Variants in PTPRD observed in about 807,000 individuals in gnomAD.
PTPRD encodes the protein protein tyrosine phosphatase receptor type D.
In PTPRD, 34 loss-of-function variants were observed where a neutral mutation model predicts 214.5. The ratio of observed to expected loss-of-function variants is 0.16; its 90% confidence interval spans 0.12 to 0.21. The LOEUF (loss-of-function observed/expected upper bound fraction) is 0.21. PTPRD is among the 10% of genes least tolerant of loss of function. PTPRD has a pLI of 1.00. For missense variants in PTPRD, 2,545 were observed against 2,398.7 expected (o/e 1.06, Z -1.27); for synonymous variants, 1,128 against 845.7 (o/e 1.33, Z -5.79).
chr9:10,589,932 T>G (rs1220998540), intron 2 of PTPRD, among the ~76,000 whole-genome samples: 1 of 152,096 alleles, frequency 6.6e-6, no homozygotes, highest in Non-Finnish European at 1.5e-5. Flanking sequence ...CAAATTTAAT[T>G]TGTTATTACT....
At chr9:10,306,533 T>C (rs2096074664) in intron 3 of PTPRD, among the ~76,000 whole-genome samples, 1 of 152,150 alleles carries the variant, frequency 6.6e-6, no homozygotes, top group East Asian at 1.9e-4. Flanking sequence ...AAATATGCGA[T>C]ACAATATATA....
chr9:8,605,541 T>C (rs1229191440), intron 14 of PTPRD, among the ~76,000 whole-genome samples: 1 of 152,216 alleles, frequency 6.6e-6, no homozygotes, highest in Non-Finnish European at 1.5e-5. Flanking sequence ...AACATGGGTT[T>C]ACTCTAGATG....
intron 5 of PTPRD, among the ~76,000 whole-genome samples, chr9:9,784,839 C>A (rs2098906800): frequency 6.9e-6 from 1 of 145,502 alleles, no homozygotes; most frequent in Non-Finnish European, 1.5e-5. Flanking sequence ...TGTATGATGT[C>A]TTAATAATGT....
chr9:9,966,479 G>A (rs541708831), intron 4 of PTPRD, among the ~76,000 whole-genome samples: 1 of 152,186 alleles, frequency 6.6e-6, no homozygotes, highest in South Asian at 2.1e-4. Flanking sequence ...TAGAGCTAAG[G>A]GGTTTCAATG....
chr9:8,832,271 A>G (rs1236931924), intron 11 of PTPRD, among the ~76,000 whole-genome samples: 1 of 152,136 alleles, frequency 6.6e-6, no homozygotes, highest in Non-Finnish European at 1.5e-5. Context: ...CCTTTAATTT[A>G]TCCTAACAGA....
chr9:9,781,204 C>G (rs533368264), intron 5 of PTPRD, among the ~76,000 whole-genome samples: 2 of 152,212 alleles, frequency 1.3e-5, no homozygotes, highest in East Asian at 1.9e-4. Flanking sequence ...AATGCAGCAA[C>G]AGTGGTTCAT....
At chr9:9,252,533 A>C (rs1471572590) in intron 9 of PTPRD, among the ~76,000 whole-genome samples, 1 of 151,928 alleles carries the variant, frequency 6.6e-6, no homozygotes. Flanking sequence ...CCCAGGCTGG[A>C]CCTCAGTGAC....
chr9:9,580,566 T>TG (rs2090465291), intron 7 of PTPRD, among the ~76,000 whole-genome samples: 1 of 122,320 alleles, frequency 8.2e-6, no homozygotes, highest in African/African-American at 3.0e-5. Flanking sequence ...TTTTTTTTTT[T>TG]GAGACAGAGT....
At chr9:8,779,180 G>A (rs1415755525) in intron 11 of PTPRD, among the ~76,000 whole-genome samples, 1 of 152,252 alleles carries the variant, frequency 6.6e-6, no homozygotes, top group African/African-American at 2.4e-5. Flanking sequence ...AATAACAGCA[G>A]GAAGACAGAG....
chr9:9,254,235 T>C (rs1369031848), intron 9 of PTPRD, among the ~76,000 whole-genome samples: 1 of 152,096 alleles, frequency 6.6e-6, no homozygotes, highest in East Asian at 1.9e-4. Context: ...TACCCATTCC[T>C]TTCATTAGGA....
chr9:9,224,777 CAT>C (rs1437775363), intron 9 of PTPRD, among the ~76,000 whole-genome samples: 22 of 151,834 alleles, frequency 1.4e-4, no homozygotes, highest in Admixed American at 1.4e-3. Context: ...TGTTTTATAA[CAT>C]AATAGTTTTC....
intron 7 of PTPRD, among the ~76,000 whole-genome samples, chr9:9,698,529 T>C (rs1364532740): frequency 1.3e-5 from 2 of 152,170 alleles, no homozygotes; most frequent in Non-Finnish European, 2.9e-5. Context: ...ATGGTCCTGC[T>C]GGATGGCTAC....
chr9:10,309,295 T>C (rs2154415909), intron 3 of PTPRD, among the ~76,000 whole-genome samples: 1 of 152,144 alleles, frequency 6.6e-6, no homozygotes, highest in South Asian at 2.1e-4. Context: ...ATTAATTTCA[T>C]AAATACTATT....
chr9:10,078,531 A>G (rs1271981613), intron 3 of PTPRD, among the ~76,000 whole-genome samples: 1 of 150,362 alleles, frequency 6.7e-6, no homozygotes, highest in Non-Finnish European at 1.5e-5. Flanking sequence ...AAAAAAAAAA[A>G]AAAAAAAGAA....
At chr9:9,123,772 G>A (rs1020625691) in intron 10 of PTPRD, among the ~76,000 whole-genome samples, 2 of 152,098 alleles carry the variant, frequency 1.3e-5, no homozygotes, top group African/African-American at 4.8e-5. Context: ...TTTGTTGAAA[G>A]GTAGATTCCA....
intron 3 of PTPRD, among the ~76,000 whole-genome samples, chr9:10,035,011 T>C (rs7041082): frequency 0.32 from 48,553 of 152,008 alleles, 8,337 homozygotes; most frequent in East Asian, 0.62. Flanking sequence ...TGTCTTAAGG[T>C]CTTTGAGTAG....
chr9:9,487,537 T>C (rs1444454740), intron 8 of PTPRD, among the ~76,000 whole-genome samples: 2 of 149,774 alleles, frequency 1.3e-5, no homozygotes, highest in Non-Finnish European at 3.0e-5. Flanking sequence ...GCATGTGTCT[T>C]TATAGCAGCA....
chr9:8,764,156 T>A lies in PTPRD; in HGVS notation c.-103-30210A>T, dbSNP rs79873559. Among the ~76,000 whole-genome samples the A allele has an allele frequency of 7.0e-4, 106 of 152,326 alleles. 1 individual carries two copies. In the East Asian group the frequency reaches 0.019, roughly 27 times the overall value. ...ACTGCAGTTAAGTCTCAGTCCTCTATGGTTGTTGTACATATGGCATTACAT... is the reference window on the plus strand; with the variant it reads ...ACTGCAGTTAAGTCTCAGTCCTCTAAGGTTGTTGTACATATGGCATTACAT... On this transcript the variant is annotated intron_variant, in intron 11 of 45. Transcript: ENST00000381196.
chr9:9,094,964 A>G (rs772447351), intron 10 of PTPRD, among the ~76,000 whole-genome samples: 17 of 152,186 alleles, frequency 1.1e-4, no homozygotes, highest in Admixed American at 3.9e-4. Context: ...AATAGACAAA[A>G]GTGATAATAC....
Sources: gnomAD v4.1 joint callset for allele counts (sites outside exome capture counted in the v4.1 genomes callset) on GRCh38, gnomAD v4.1.1 for gene constraint, MANE v1.5 for transcripts, NCBI Gene and HGNC (gene_info 2026-07-23, HGNC 2026-07-21) for gene names.